PIK3R5: variants seen among roughly 807,000 people sequenced by gnomAD.
PIK3R5 encodes phosphoinositide 3-kinase regulatory subunit 5.
PIK3R5 carries 32 observed loss-of-function variants against 94.9 expected under a neutral mutation model. That is an observed-to-expected ratio of 0.34 (90% CI 0.25 to 0.45). The LOEUF (loss-of-function observed/expected upper bound fraction) is 0.45, where lower values mean the gene tolerates loss of function less well. Among genes scored for constraint, PIK3R5 ranks in the 20% least tolerant of loss-of-function variants. The pLI, the probability that PIK3R5 is intolerant of heterozygous loss-of-function variation, is 1.00. For missense variants in PIK3R5, 853 were observed against 1,144.6 expected, an observed-to-expected ratio of 0.75 and a Z score of 3.68; for synonymous variants, 443 against 479.4, an observed-to-expected ratio of 0.92 and a Z score of 0.99.
chr17:8,918,106 C>T (rs1424732922), intron 1 of PIK3R5, among the ~76,000 whole-genome samples: 1 of 152,100 alleles, frequency 6.6e-6, no homozygotes, highest in Non-Finnish European at 1.5e-5. Context: ...GATGTATGTG[C>T]TTGGATTAAT....
chr17:8,887,711 G>T, intron 10 of PIK3R5, 28 bp from the exon 11 acceptor site: 1 of 1,565,842 alleles, frequency 6.4e-7, no homozygotes, highest in East Asian at 2.4e-5. Flanking sequence ...GTGAGAAGGG[G>T]AATGGGCATG....
In PIK3R5 at chr17:8,889,125, C is replaced by T. The variant is rs373503762; in HGVS notation, c.895+14G>A. On this transcript the variant is annotated intron_variant, in intron 9 of 18. Transcript: ENST00000447110. The surrounding 1 kb of genome is among the most constrained non-coding windows in gnomAD (Gnocchi z 4.1). ...GTGTGGGGCATGGGTGTCACCAGGG[C>T]CCCGGCTCCTTACCAAAGCTGTCCT... 3.1e-6 allele frequency: 5 copies of T among 1,610,724 alleles called. No homozygotes were observed. The highest frequency in any genetic ancestry group is 2.7e-5 in the African/African-American group (2 of 74,954).
At position 8,904,059 on chromosome 17, in the gene PIK3R5, A is replaced by G. The variant is rs1031659572; in HGVS notation, c.412+718T>C. On this transcript the variant is annotated intron_variant, in intron 5 of 18. Transcript: ENST00000447110. This position sits in a 1 kb window ranked among gnomAD's most constrained non-coding sequence, Gnocchi z 5.1. The stretch of plus-strand genomic sequence containing the variant: ...CATATATTGAGGGGTTTTGAATATC[A>G]GGAATGATGATGAATTTTATGAAAT... Among the ~76,000 whole-genome samples, 2 of 152,230 alleles carry G rather than the reference A, an allele frequency of 1.3e-5. No homozygotes were observed. Among genetic ancestry groups the G allele is most frequent in the Non-Finnish European group, 2.9e-5 (2 of 68,044 alleles).
At chr17:8,915,551 A>C (rs2090613334) in intron 1 of PIK3R5, 1 of 152,406 alleles carries the variant, frequency 6.6e-6, no homozygotes, top group South Asian at 2.1e-4. Context: ...TGTGTGCCAG[A>C]GGGGATACCG....
intron 1 of PIK3R5, among the ~76,000 whole-genome samples, chr17:8,956,344 A>AGAGG (rs58420883): frequency 0.081 from 12,318 of 151,924 alleles, 1,675 homozygotes; most frequent in African/African-American, 0.28. Context: ...TGAGGTCTGA[A>AGAGG]GAGGGACTCA....
intron 1 of PIK3R5, among the ~76,000 whole-genome samples, chr17:8,917,657 G>A (rs1166445675): frequency 2.6e-5 from 4 of 152,214 alleles, no homozygotes; most frequent in Non-Finnish European, 4.4e-5. Context: ...CCTGAGTTCA[G>A]GAGTTCAAGA....
chr17:8,887,078 A>G lies in PIK3R5; in HGVS notation c.1905+18T>C. ...CTGCAGCCAGTGGACCCTGTTCCGCAACCACGGGGCCACTTACCTGGCACA... is the reference window on the plus strand; with the variant it reads ...CTGCAGCCAGTGGACCCTGTTCCGCGACCACGGGGCCACTTACCTGGCACA... On this transcript the variant is annotated intron_variant, in intron 12 of 18. Coordinates refer to ENST00000447110, the MANE Select transcript of PIK3R5 (RefSeq NM_001142633.3). 6.2e-7 allele frequency: 1 copy of G among 1,613,694 alleles called. No individual in the cohort carries two copies. The highest frequency in any genetic ancestry group is 1.1e-5 in the South Asian group (1 of 91,072).
intron 1 of PIK3R5, among the ~76,000 whole-genome samples, chr17:8,950,305 A>G (rs2091354407): frequency 6.6e-6 from 1 of 152,230 alleles, no homozygotes; most frequent in Non-Finnish European, 1.5e-5. Flanking sequence ...GGTAAAATAT[A>G]TGCAATATAA....
At chr17:8,886,192 C>T (rs758719686) in intron 14 of PIK3R5, 37 bp downstream of exon 14, 2 of 1,520,736 alleles carry the variant, frequency 1.3e-6, no homozygotes, top group African/African-American at 1.4e-5. Flanking sequence ...GTCCCAGGCC[C>T]CGCCTCACCG....
chr17:8,888,107 G>C lies in PIK3R5; in HGVS notation c.1616+64C>G. 1 of 1,532,802 alleles carries C rather than the reference G, an allele frequency of 6.5e-7. No individual in the cohort carries two copies. Among genetic ancestry groups the C allele is most frequent in the East Asian group, 2.3e-5 (1 of 44,008 alleles). 95.0% of individuals were successfully genotyped at this position (1,532,802 alleles called of 1,614,324 possible). On this transcript the variant is annotated intron_variant, in intron 10 of 18. Transcript: ENST00000447110. The surrounding 1 kb of genome is among the most constrained non-coding windows in gnomAD (Gnocchi z 7.8). ...CTGGGGCCCTAAGCCTCAGGCCCCA[G>C]ATTCCACCAGCACAACAACCCTGTT...
intron 5 of PIK3R5, among the ~76,000 whole-genome samples, chr17:8,899,106 A>G (rs545974001): frequency 6.6e-6 from 1 of 152,338 alleles, no homozygotes; most frequent in Non-Finnish European, 1.5e-5. Context: ...TTCAATAAAC[A>G]TGTGGGCTGA....
chr17:8,884,859 C>A lies in PIK3R5; in HGVS notation c.2129-76G>T. ...TCACGAACGCAGTGGCCTTGCCTCC[C>A]TGGGCCTTACCTCCCCATCCCCTAC... is the stretch of plus-strand genomic sequence containing the variant. On this transcript the variant is annotated intron_variant, in intron 14 of 18. Coordinates refer to ENST00000447110, the MANE Select transcript of PIK3R5 (RefSeq NM_001142633.3). This position sits in a 1 kb window ranked among gnomAD's most constrained non-coding sequence, Gnocchi z 5.8. 7.9e-7 allele frequency: 1 copy of A among 1,259,750 alleles called. No homozygotes were observed. Among genetic ancestry groups the A allele is most frequent in the African/African-American group, 1.5e-5 (1 of 68,398 alleles). The allele number at this position is 1,259,750 out of a possible 1,614,324, so 78.0% of individuals were successfully genotyped here.
chr17:8,923,222 G>A (rs1313254328), intron 1 of PIK3R5, among the ~76,000 whole-genome samples: 5 of 152,184 alleles, frequency 3.3e-5, no homozygotes, highest in Non-Finnish European at 7.3e-5. Flanking sequence ...AGGACATACG[G>A]ATAGCACAGA....
chr17:8,906,123 A>G (rs2090391845), intron 3 of PIK3R5, among the ~76,000 whole-genome samples: 1 of 152,102 alleles, frequency 6.6e-6, no homozygotes, highest in Non-Finnish European at 1.5e-5. Context: ...CCCCACATGC[A>G]TTAGGTATTT....
chr17:8,888,930 G>A lies in PIK3R5; in HGVS notation c.896-39C>T, dbSNP rs2089954905. ...AGGCCAGCACTGTCTGGGCGTCTGG[G>A]CCCCGGATCCCCTTCTATATTCCCT... On this transcript the variant is annotated intron_variant, in intron 9 of 18. Coordinates refer to ENST00000447110, the MANE Select transcript of PIK3R5 (RefSeq NM_001142633.3). This position sits in a 1 kb window ranked among gnomAD's most constrained non-coding sequence, Gnocchi z 7.8. 1.3e-6 allele frequency: 2 copies of A among 1,562,668 alleles called. No homozygotes were observed. The highest frequency in any genetic ancestry group is 1.7e-6 in the Non-Finnish European group (2 of 1,158,760).
At chr17:8,928,875 G>T (rs1198738144) in intron 1 of PIK3R5, among the ~76,000 whole-genome samples, 1 of 152,178 alleles carries the variant, frequency 6.6e-6, no homozygotes, top group Non-Finnish European at 1.5e-5. Context: ...CTCCTCTTGA[G>T]TTTTCTAAGT....
chr17:8,949,751 G>A (rs748455220), intron 1 of PIK3R5, among the ~76,000 whole-genome samples: 20 of 152,138 alleles, frequency 1.3e-4, no homozygotes, highest in Non-Finnish European at 2.5e-4. Context: ...AATGGATTTT[G>A]GGGACTTAGC....
Position 8,888,969 on chromosome 17 carries a change from A to T in PIK3R5, c.896-78T>A, listed in dbSNP as rs2089956088. 1.9e-6 allele frequency: 3 copies of T among 1,540,424 alleles called. No individual in the cohort carries two copies. The highest frequency in any genetic ancestry group is 2.6e-6 in the Non-Finnish European group (3 of 1,147,952). On this transcript the variant is annotated intron_variant, in intron 9 of 18. Transcript: ENST00000447110. This position sits in a 1 kb window ranked among gnomAD's most constrained non-coding sequence, Gnocchi z 7.8. ...TCTATATTCCCTTTGGAGGGGAGAC[A>T]GCAGGACTCAGGGCCAGCCCAGGAC...
At chr17:8,937,758 G>A (rs1021588772) in intron 1 of PIK3R5, among the ~76,000 whole-genome samples, 1 of 152,148 alleles carries the variant, frequency 6.6e-6, no homozygotes, top group Non-Finnish European at 1.5e-5. Flanking sequence ...AATGAGTTAG[G>A]AAGCACTCCC....
Sources: gnomAD v4.1 joint callset for allele counts (sites outside exome capture counted in the v4.1 genomes callset) on GRCh38, gnomAD v4.1.1 for gene constraint, Gnocchi (gnomAD v3.1) non-coding constraint, MANE v1.5 for transcripts, NCBI Gene and HGNC (gene_info 2026-07-23, HGNC 2026-07-21) for gene names.